The following RMI1 variants were observed in gnomAD, a reference collection of about 807,000 sequenced individuals.
The protein encoded by RMI1 is RecQ mediated genome instability 1, also known as recQ-mediated genome instability protein 1.
RMI1 carries 36 observed loss-of-function variants against 46.7 expected under a neutral mutation model. The ratio of observed to expected loss-of-function variants is 0.77; its 90% CI spans 0.59 to 1.02. RMI1 has a LOEUF of 1.02. Ranked by LOEUF, RMI1 falls within the 50% of genes least tolerant of loss-of-function variation. The probability of loss-of-function intolerance (pLI) is 0.00; values close to 1 mark genes in which losing one functional copy is unlikely to be tolerated. For synonymous variants in RMI1, 250 were observed against 252.9 expected, an observed-to-expected ratio of 0.99 and a Z score of 0.11; for missense variants, 676 against 713.7, an observed-to-expected ratio of 0.95 and a Z score of 0.60.
At chr9:83,986,279 AT>A (rs1957489431) in intron 1 of RMI1, among the ~76,000 whole-genome samples, 1 of 152,210 alleles carries the variant, frequency 6.6e-6, no homozygotes, top group African/African-American at 2.4e-5. Flanking sequence ...AAATGAAACA[AT>A]TTAGAATGCA....
chr9:84,000,809 G>T, intron 2 of RMI1, 142 bp from the exon 3 acceptor site: 1 of 521,714 alleles, frequency 1.9e-6, no homozygotes, highest in South Asian at 3.2e-5. Context: ...ATCTGATTAT[G>T]TGTAGTGTTT....
Position 83,983,118 on chromosome 9 carries a change from A to G in RMI1, c.-126+2227A>G, listed in dbSNP as rs572536488. The stretch of plus-strand genomic sequence containing the variant: ...CAGCTGCATTATTGTTTAAAATAGT[A>G]TTTATAACTACTATTTCCTGAGTTC... On this transcript the variant is annotated intron_variant, in intron 1 of 2. Transcript: ENST00000445877. Among the ~76,000 whole-genome samples the G allele has an allele frequency of 3.3e-5, 5 of 152,342 alleles. No individual in the cohort carries two copies. In the South Asian group the frequency reaches 1.0e-3, roughly 32 times the overall value.
In RMI1 at chr9:83,980,838, A is replaced by C. The variant is rs145410010; in HGVS notation, c.-179A>C. 6.6e-6 allele frequency: 1 copy of C among 152,358 alleles called. No homozygotes were observed. The highest frequency in any genetic ancestry group is 2.1e-4 in the South Asian group (1 of 4,836). 9.4% of individuals were successfully genotyped at this position (152,358 alleles called of 1,614,324 possible). On this transcript the variant is annotated 5_prime_UTR_variant, in exon 1 of 3. Coordinates refer to ENST00000445877, the MANE Select transcript of RMI1 (RefSeq NM_001358291.2). ...GCGCGCCGCGGCGGTTCCTGTCCTT[A>C]CAGTTGCGCTGCCCAGGGACCGATG...
At chr9:83,994,665 G>A (rs1228540428) in intron 1 of RMI1, among the ~76,000 whole-genome samples, 1 of 152,044 alleles carries the variant, frequency 6.6e-6, no homozygotes, top group East Asian at 1.9e-4. Context: ...ACCACCAGAA[G>A]GTGACATCAC....
At chr9:83,995,778 A>G (rs1450527977) in intron 1 of RMI1, among the ~76,000 whole-genome samples, 1 of 152,194 alleles carries the variant, frequency 6.6e-6, no homozygotes, top group Non-Finnish European at 1.5e-5. Flanking sequence ...TTTCTAATGC[A>G]TAAGTTATCT....
chr9:83,986,198 C>T (rs563588716), intron 1 of RMI1, among the ~76,000 whole-genome samples: 7 of 152,024 alleles, frequency 4.6e-5, no homozygotes, highest in African/African-American at 7.2e-5. Context: ...AGCACTATGT[C>T]GAAGCTATCA....
intron 1 of RMI1, among the ~76,000 whole-genome samples, chr9:83,999,295 C>T (rs376401491): frequency 2.0e-5 from 3 of 152,158 alleles, no homozygotes; most frequent in African/African-American, 2.4e-5. Flanking sequence ...ACTGAGTTCT[C>T]GCTGTGTGCC....
intron 1 of RMI1, among the ~76,000 whole-genome samples, chr9:83,985,233 C>A (rs1957472682): frequency 6.6e-6 from 1 of 152,070 alleles, no homozygotes; most frequent in Admixed American, 6.5e-5. Context: ...GGAAAAATAA[C>A]CTATTACACA....
upstream of RMI1, chr9:83,980,532 C>A (rs1018066476): frequency 6.5e-6 from 1 of 152,980 alleles, no homozygotes. Context: ...GGGACACAGG[C>A]AAGACGTCGA....
At chr9:83,984,618 A>G (rs935428699) in intron 1 of RMI1, among the ~76,000 whole-genome samples, 4 of 142,186 alleles carry the variant, frequency 2.8e-5, no homozygotes, top group South Asian at 2.3e-4. Flanking sequence ...CTGTAGTGCA[A>G]TGGCACAATC....
chr9:83,997,357 C>T (rs1008685073), intron 1 of RMI1, among the ~76,000 whole-genome samples: 6 of 151,794 alleles, frequency 4.0e-5, no homozygotes, highest in African/African-American at 1.5e-4. Flanking sequence ...GTGATCCTTC[C>T]ACCTTGGCCT....
chr9:84,002,935 T>A lies in RMI1; in HGVS notation c.*71T>A, dbSNP rs912657669. The A allele has an allele frequency of 2.2e-6, 2 of 930,034 alleles. No individual in the cohort carries two copies. The highest frequency in any genetic ancestry group is 3.3e-5 in the African/African-American group (2 of 60,026). The allele number at this position is 930,034 out of a possible 1,614,324, so 57.6% of individuals were successfully genotyped here. A position where few individuals can be genotyped will look rare whatever the true frequency, so the allele number is the denominator to read the frequency against. On this transcript the variant is annotated 3_prime_UTR_variant, in exon 3 of 3. Transcript: ENST00000445877. ...ATTTAGAATTTGTTCACAATTTTACTTATGATACTTTGTGTAAAAAGGAAA... is the reference window on the plus strand; with the variant it reads ...ATTTAGAATTTGTTCACAATTTTACATATGATACTTTGTGTAAAAAGGAAA...
In RMI1 at chr9:84,002,162, A is replaced by G. The variant is rs1957748000; in HGVS notation, c.1176A>G (p.Pro392=). The change falls in exon 3 of 3, where the codon CCA becomes CCG. Residue 392 remains proline (P), a synonymous_variant. Transcript: ENST00000445877. ...MTNEDKSFGC[P]SVRDQNRSIF... Reference sequence around the variant, plus strand: ...ATGAAGACAAATCATTTGGTTGTCCATCTGTTAGAGACCAAAACAGGAGTA... The same window carrying G: ...ATGAAGACAAATCATTTGGTTGTCCGTCTGTTAGAGACCAAAACAGGAGTA... 6.8e-6 allele frequency: 11 copies of G among 1,613,776 alleles called. No individual in the cohort carries two copies. Among genetic ancestry groups the G allele is most frequent in the Middle Eastern group, 1.7e-4 (1 of 6,058 alleles).
At chr9:83,988,025 A>G (rs549584430) in intron 1 of RMI1, among the ~76,000 whole-genome samples, 1 of 151,994 alleles carries the variant, frequency 6.6e-6, no homozygotes, top group Non-Finnish European at 1.5e-5. Context: ...AGCTAGGACT[A>G]CAGGCATGTG....
At chr9:83,994,198 C>A (rs550438087) in intron 1 of RMI1, among the ~76,000 whole-genome samples, 10 of 152,242 alleles carry the variant, frequency 6.6e-5, no homozygotes, top group African/African-American at 2.4e-4. Context: ...TGGGTAATAA[C>A]ACCTTATCTG....
chr9:83,998,922 CTTG>C (rs1957698150), intron 1 of RMI1, among the ~76,000 whole-genome samples: 1 of 152,124 alleles, frequency 6.6e-6, no homozygotes, highest in African/African-American at 2.4e-5. Context: ...GGGCAGATCA[CTTG>C]AGGTCAGGAA....
Position 84,002,046 on chromosome 9 carries a change from C to G in RMI1, c.1060C>G (p.His354Asp). 1 of 1,613,792 alleles carries G rather than the reference C, an allele frequency of 6.2e-7. No individual in the cohort carries two copies. The highest frequency in any genetic ancestry group is 8.5e-7 in the Non-Finnish European group (1 of 1,179,834). Residue 354 changes from histidine (H) to aspartate (D), a missense_variant, in exon 3 of 3, where the codon CAT becomes GAT. His to Asp is a moderately conservative substitution (Grantham distance 81). Transcript: ENST00000445877. ...NADRSIERFS[H>D]NPNTTNNFSL... Reference sequence around the variant, plus strand: ...CGATCGAAGTATAGAGAGATTTTCACATAATCCTAATACTACGAATAACTT... The same window carrying G: ...CGATCGAAGTATAGAGAGATTTTCAGATAATCCTAATACTACGAATAACTT...
At chr9:83,984,867 C>T (rs1364522308) in intron 1 of RMI1, among the ~76,000 whole-genome samples, 5 of 152,162 alleles carry the variant, frequency 3.3e-5, no homozygotes, top group African/African-American at 1.2e-4. Flanking sequence ...CCAGCCCGAA[C>T]ATATCTTACT....
chr9:83,999,755 G>A lies in RMI1; in HGVS notation c.-79G>A, dbSNP rs1279461922. The A allele has an allele frequency of 6.6e-6, 1 of 152,192 alleles. No individual in the cohort carries two copies. The highest frequency in any genetic ancestry group is 1.5e-5 in the Non-Finnish European group (1 of 68,034). 9.4% of individuals were successfully genotyped at this position (152,192 alleles called of 1,614,324 possible). On this transcript the variant is annotated 5_prime_UTR_variant, in exon 2 of 3. Transcript: ENST00000445877. The stretch of plus-strand genomic sequence containing the variant: ...GTTTCAAGTAATCCACTAACAACCA[G>A]TTCCAAATTCTGTCATCAAATCCTG...
Sources: gnomAD v4.1 joint callset for allele counts (sites outside exome capture counted in the v4.1 genomes callset) on GRCh38, gnomAD v4.1.1 for gene constraint, MANE v1.5 for transcripts, NCBI Gene and HGNC (gene_info 2026-07-23, HGNC 2026-07-21) for gene names.